Variants in MEDAG observed in about 807,000 individuals in gnomAD.
The protein encoded by MEDAG is mesenteric estrogen-dependent adipogenesis protein.
A neutral mutation model predicts 29.9 loss-of-function variants in MEDAG; 25 were observed. The observed-to-expected ratio is 0.84, with a 90% confidence interval of 0.61 to 1.17. The LOEUF is 1.17. Among genes scored for constraint, MEDAG ranks in the 50% most tolerant of loss-of-function variants. The pLI, the probability that MEDAG is intolerant of heterozygous loss-of-function variation, is 0.00. For synonymous variants in MEDAG, 158 were observed against 148.2 expected, an observed-to-expected ratio of 1.07 and a Z score of -0.48; for missense variants, 398 against 372.9, an observed-to-expected ratio of 1.07 and a Z score of -0.56.
intron 1 of MEDAG, among the ~76,000 whole-genome samples, chr13:30,907,798 G>C (rs1302549925): frequency 1.3e-5 from 2 of 152,248 alleles, no homozygotes; most frequent in African/African-American, 4.8e-5. Flanking sequence ...CACCCTGTGG[G>C]TAGGAGGGAG....
At chr13:30,920,423 A>C (rs1364286447) in intron 2 of MEDAG, among the ~76,000 whole-genome samples, 1 of 150,112 alleles carries the variant, frequency 6.7e-6, no homozygotes. Flanking sequence ...CTGTCTCTGC[A>C]AAAAAAAATA....
intron 1 of MEDAG, 63 bp from the exon 2 acceptor site, chr13:30,917,340 A>C: frequency 1.0e-6 from 1 of 984,486 alleles, no homozygotes; most frequent in East Asian, 2.4e-5. Context: ...TGTCCAGTAC[A>C]TCCCCTTCCT....
Position 30,906,319 on chromosome 13 carries a change from G to A in MEDAG, c.-197G>A, listed in dbSNP as rs1365097992. 8.8e-6 allele frequency: 4 copies of A among 453,058 alleles called. No homozygotes were observed. Among genetic ancestry groups the A allele is most frequent in the Non-Finnish European group, 1.5e-5 (4 of 273,000 alleles). 28.1% of individuals were successfully genotyped at this position (453,058 alleles called of 1,614,324 possible). On this transcript the variant is annotated 5_prime_UTR_variant, in exon 1 of 5. Transcript: ENST00000380482. ...GGGCTCCCAGCGAGTGGCAGCTTGG[G>A]AGGGGCCGCCCGGGCGGTCAGACTG...
intron 1 of MEDAG, among the ~76,000 whole-genome samples, chr13:30,912,059 T>A (rs1057066018): frequency 6.6e-6 from 1 of 152,208 alleles, no homozygotes; most frequent in Admixed American, 6.5e-5. Context: ...CAGCACACAG[T>A]AGGTACTCAG....
At position 30,921,027 on chromosome 13, in the gene MEDAG, G is replaced by C; in HGVS notation, c.402G>C (p.Ala134=). 1.2e-6 allele frequency: 2 copies of C among 1,613,840 alleles called. No individual in the cohort carries two copies. Among genetic ancestry groups the C allele is most frequent in the Non-Finnish European group, 1.7e-6 (2 of 1,179,844 alleles). The change falls in exon 3 of 5, where the codon GCG becomes GCC. Residue 134 remains alanine, a synonymous_variant. Transcript: ENST00000380482. ...KKDTSKERTY[A]FLVNTRHPKI... ...GCTAATTTCTAGAAAGGACGTACGCGTTTCTTGTAAACACGAGGCACCCCA... is the reference window on the plus strand; with the variant it reads ...GCTAATTTCTAGAAAGGACGTACGCCTTTCTTGTAAACACGAGGCACCCCA...
chr13:30,915,445 G>C (rs1593507046), intron 1 of MEDAG, among the ~76,000 whole-genome samples: 1 of 152,130 alleles, frequency 6.6e-6, no homozygotes, highest in African/African-American at 2.4e-5. Context: ...AAGGCAATGA[G>C]ACACATGTAA....
intron 1 of MEDAG, among the ~76,000 whole-genome samples, chr13:30,911,504 C>T (rs1207193607): frequency 6.6e-6 from 1 of 152,160 alleles, no homozygotes; most frequent in African/African-American, 2.4e-5. Context: ...TAGGCTGTGA[C>T]TCTTCCTGGG....
At chr13:30,911,906 C>T (rs1952885528) in intron 1 of MEDAG, among the ~76,000 whole-genome samples, 3 of 152,104 alleles carry the variant, frequency 2.0e-5, no homozygotes, top group Admixed American at 2.0e-4. Flanking sequence ...TGCTGTTAGT[C>T]CAAGGATCAC....
chr13:30,912,615 G>A (rs1424196347), intron 1 of MEDAG, among the ~76,000 whole-genome samples: 1 of 152,072 alleles, frequency 6.6e-6, no homozygotes. Flanking sequence ...GGAAATTTGG[G>A]GCAGCTTTGA....
chr13:30,913,529 G>A (rs987694711), intron 1 of MEDAG, among the ~76,000 whole-genome samples: 18 of 151,706 alleles, frequency 1.2e-4, no homozygotes, highest in African/African-American at 2.9e-4. Context: ...CACCACGCCC[G>A]GCTTTGCCCT....
At chr13:30,914,251 AT>A (rs1339421848) in intron 1 of MEDAG, among the ~76,000 whole-genome samples, 1 of 152,190 alleles carries the variant, frequency 6.6e-6, no homozygotes, top group East Asian at 1.9e-4. Flanking sequence ...GTGCTTAACA[AT>A]TGGACCATAA....
chr13:30,909,314 G>A (rs1288408144), intron 1 of MEDAG, among the ~76,000 whole-genome samples: 3 of 151,972 alleles, frequency 2.0e-5, no homozygotes, highest in East Asian at 1.9e-4. Context: ...GGGGATGACC[G>A]GTTTCACTTT....
intron 2 of MEDAG, among the ~76,000 whole-genome samples, chr13:30,917,724 G>A (rs1383825408): frequency 2.6e-5 from 4 of 152,032 alleles, no homozygotes. Flanking sequence ...GAGCGGAAGC[G>A]GGGCGGTGCT....
chr13:30,921,251 G>T (rs766875323), intron 3 of MEDAG, 125 bp downstream of exon 3: 2 of 766,122 alleles, frequency 2.6e-6, no homozygotes, highest in Non-Finnish European at 4.2e-6. Flanking sequence ...AAAACAAAGT[G>T]CATTCAGACA....
At chr13:30,920,624 T>C (rs1952974209) in intron 2 of MEDAG, among the ~76,000 whole-genome samples, 1 of 151,904 alleles carries the variant, frequency 6.6e-6, no homozygotes, top group African/African-American at 2.4e-5. Flanking sequence ...AATCCAGCAC[T>C]GCAGGAACAT....
At position 30,921,560 on chromosome 13, in the gene MEDAG, G is replaced by T. The variant is rs778054883; in HGVS notation, c.502-1G>T. ...CAATGCAATGTTCCTCTCTCTTTCA[G>T]TTTGATTTTCAAGAGGCAGTGAAGA... On this transcript the variant is annotated splice_acceptor_variant, in intron 3 of 4. Transcript: ENST00000380482. LOFTEE classifies it high-confidence loss of function. 3.2e-5 allele frequency: 51 copies of T among 1,600,664 alleles called. 1 individual carries two copies. Among genetic ancestry groups the T allele is most frequent in the Non-Finnish European group, 4.2e-5 (49 of 1,175,196 alleles).
rs948528990 is a variant in MEDAG, at chr13:30,906,415, C to G, written c.-101C>G. ...CCCTCCTCACCTCGCGCGCGGCTGA[C>G]GCAGGCAGGGCGCCCGGCCCCTCCT... On this transcript the variant is annotated 5_prime_UTR_variant, in exon 1 of 5. Coordinates refer to ENST00000380482, the MANE Select transcript of MEDAG (RefSeq NM_032849.4). 8.7e-6 allele frequency: 11 copies of G among 1,270,304 alleles called. No homozygotes were observed. Among genetic ancestry groups the G allele is most frequent in the Admixed American group, 3.3e-5 (1 of 30,394 alleles). 78.7% of individuals were successfully genotyped at this position (1,270,304 alleles called of 1,614,324 possible).
intron 1 of MEDAG, among the ~76,000 whole-genome samples, chr13:30,909,721 T>C (rs1235179551): frequency 6.6e-6 from 1 of 152,190 alleles, no homozygotes; most frequent in Non-Finnish European, 1.5e-5. Context: ...CCTGGTGTAA[T>C]TAGAATTTCT....
At chr13:30,908,277 C>T (rs9603056) in intron 1 of MEDAG, among the ~76,000 whole-genome samples, 9,087 of 152,260 alleles carry the variant, frequency 0.06, 391 homozygotes, top group Non-Finnish European at 0.095. Flanking sequence ...GCCACAGTGA[C>T]CAGGTAACAC....
Sources: gnomAD v4.1 joint callset for allele counts (sites outside exome capture counted in the v4.1 genomes callset) on GRCh38, gnomAD v4.1.1 for gene constraint, MANE v1.5 for transcripts, NCBI Gene and HGNC (gene_info 2026-07-23, HGNC 2026-07-21) for gene names.